The following COL4A2 variants were observed in gnomAD, a reference collection of about 807,000 sequenced individuals.
COL4A2 encodes collagen type IV alpha 2 chain.
A neutral mutation model predicts 200.2 loss-of-function variants in COL4A2; 99 were observed. The observed-to-expected ratio is 0.49, with a 90% CI of 0.42 to 0.58. The LOEUF (loss-of-function observed/expected upper bound fraction) is 0.58, where lower values mean the gene tolerates loss of function less well. COL4A2 is among the 20% of genes least tolerant of loss of function. COL4A2 has a pLI of 0.00. For missense variants in COL4A2, 1,950 were observed against 2,314.1 expected (o/e 0.84, Z 3.23); for synonymous variants, 897 against 900.6 (o/e 1.00, Z 0.07).
chr13:110,506,750 C>A, intron 46 of COL4A2, 144 bp downstream of exon 46: 1 of 903,226 alleles, frequency 1.1e-6, no homozygotes, highest in Non-Finnish European at 1.6e-6. Flanking sequence ...TCCTCGAGTG[C>A]AGAAAGATTA....
At chr13:110,330,700 A>G (rs1425321974) in intron 3 of COL4A2, among the ~76,000 whole-genome samples, 1 of 152,084 alleles carries the variant, frequency 6.6e-6, no homozygotes, top group Non-Finnish European at 1.5e-5. Flanking sequence ...GTGCCTTCCC[A>G]GGCTGTATCT....
At chr13:110,506,345 G>A (rs1002257258) in intron 45 of COL4A2, 70 bp from the exon 46 acceptor site, 29 of 1,462,604 alleles carry the variant, frequency 2.0e-5, no homozygotes, top group South Asian at 9.9e-5. Context: ...GCACCAGGCC[G>A]TCCACTCTCT....
chr13:110,462,003 G>C, intron 22 of COL4A2, 111 bp from the exon 23 acceptor site: 1 of 1,501,388 alleles, frequency 6.7e-7, no homozygotes, highest in East Asian at 2.4e-5. Flanking sequence ...GCTCGGTTTG[G>C]TGACGGGTGA....
chr13:110,437,628 A>G (rs957801352), intron 13 of COL4A2, among the ~76,000 whole-genome samples: 1 of 152,162 alleles, frequency 6.6e-6, no homozygotes, highest in East Asian at 1.9e-4. Flanking sequence ...AGGGCCTCCT[A>G]GTAATGTTTT....
chr13:110,437,839 T>C (rs986457033), intron 13 of COL4A2, among the ~76,000 whole-genome samples, 163 bp from the exon 14 acceptor site: 1 of 152,238 alleles, frequency 6.6e-6, no homozygotes, highest in Non-Finnish European at 1.5e-5. Context: ...TTCTCTTGAA[T>C]TTTGAAGCTG....
chr13:110,405,042 G>A (rs4771675), intron 4 of COL4A2, among the ~76,000 whole-genome samples: 89,239 of 152,086 alleles, frequency 0.59, 26,835 homozygotes, highest in Non-Finnish European at 0.66. Flanking sequence ...TTTAGCCTAG[G>A]AGGTTGAGGC....
At position 110,307,939 on chromosome 13, in the gene COL4A2, C is replaced by A. The variant is rs769448606; in HGVS notation, c.36C>A (p.Ala12=). The part of the protein sequence containing the change: ...GRDQRAVAGP[A]LRRWLLLGTV... ...ACCAGCGCGCGGTGGCCGGCCCTGCCCTACGGCGGTAAGCGACTTTCTGCC... is the reference window on the plus strand; with the variant it reads ...ACCAGCGCGCGGTGGCCGGCCCTGCACTACGGCGGTAAGCGACTTTCTGCC... Residue 12 remains alanine, a synonymous_variant, in exon 2 of 48, where the codon GCC becomes GCA. Transcript: ENST00000360467. This position sits in a 1 kb window ranked among gnomAD's most constrained non-coding sequence, Gnocchi z 5.0. The A allele has an allele frequency of 6.2e-7, 1 of 1,612,978 alleles. No individual in the cohort carries two copies. Among genetic ancestry groups the A allele is most frequent in the Admixed American group, 1.7e-5 (1 of 60,000 alleles).
At position 110,314,810 on chromosome 13, in the gene COL4A2, G is replaced by A. The variant is rs547443428; in HGVS notation, c.99+6687G>A. Among the ~76,000 whole-genome samples, 9 of 152,248 alleles carry A rather than the reference G, an allele frequency of 5.9e-5. No individual in the cohort carries two copies. The East Asian group carries it at 1.4e-3, about 23-fold the overall frequency. ...TGCACAGAATGGGAGCCCCCTTCCCGCCTGCCTAGGAAACCCCATGGGCCA... is the reference window on the plus strand; with the variant it reads ...TGCACAGAATGGGAGCCCCCTTCCCACCTGCCTAGGAAACCCCATGGGCCA... On this transcript the variant is annotated intron_variant, in intron 3 of 47. Coordinates refer to ENST00000360467, the MANE Select transcript of COL4A2 (RefSeq NM_001846.4).
At chr13:110,394,225 C>G (rs4773175) in intron 4 of COL4A2, among the ~76,000 whole-genome samples, 142,620 of 152,320 alleles carry the variant, frequency 0.94, 67,510 homozygotes, top group East Asian at 1. Flanking sequence ...TGCTTACTTT[C>G]TGCCAGACAC....
In COL4A2 at chr13:110,335,570, T is replaced by C. The variant is rs1440262178; in HGVS notation, c.100-21902T>C. Among the ~76,000 whole-genome samples the C allele has an allele frequency of 3.9e-5, 6 of 152,300 alleles. No individual in the cohort carries two copies. The East Asian group carries it at 7.7e-4, about 20-fold the overall frequency. Reference sequence around the variant, plus strand: ...TAAACCCCTTTTTCTTTATAAATTATCCAGTCTCACTTATGTCTTTATCAG... The same window carrying C: ...TAAACCCCTTTTTCTTTATAAATTACCCAGTCTCACTTATGTCTTTATCAG... On this transcript the variant is annotated intron_variant, in intron 3 of 47. Coordinates refer to ENST00000360467, the MANE Select transcript of COL4A2 (RefSeq NM_001846.4).
chr13:110,486,297 G>A (rs538853798), intron 34 of COL4A2, among the ~76,000 whole-genome samples: 11 of 152,288 alleles, frequency 7.2e-5, no homozygotes, highest in South Asian at 6.2e-4. Flanking sequence ...GGCCAGACAC[G>A]CTGTTGTGAT....
intron 22 of COL4A2, among the ~76,000 whole-genome samples, chr13:110,460,246 A>G (rs372246936): frequency 1.1e-4 from 16 of 152,230 alleles, no homozygotes; most frequent in East Asian, 1.9e-4. Flanking sequence ...ATGACTCCCA[A>G]CTGCTTCATG....
At chr13:110,389,658 C>G (rs117710888) in intron 4 of COL4A2, among the ~76,000 whole-genome samples, 3 of 152,204 alleles carry the variant, frequency 2.0e-5, no homozygotes, top group South Asian at 2.1e-4. Context: ...TGCACTCTCA[C>G]GAGCACTAAC....
intron 4 of COL4A2, among the ~76,000 whole-genome samples, chr13:110,390,664 T>C (rs1430714951): frequency 1.3e-5 from 2 of 152,244 alleles, no homozygotes; most frequent in African/African-American, 2.4e-5. Context: ...TCCATTCTCA[T>C]GCCCTTTGAC....
At position 110,462,659 on chromosome 13, in the gene COL4A2, C is replaced by CA. The variant is rs112264778; in HGVS notation, c.1776+282dup. On this transcript the variant is annotated intron_variant, in intron 24 of 47. Transcript: ENST00000360467. ...TAACAGACTAAGAACCCTCCCCCGC[C>CA]AAAAAAAGTAGACTATTCTAAAATG... is the stretch of plus-strand genomic sequence containing the variant. 4.6e-3 allele frequency among the ~76,000 whole-genome samples: 695 copies of CA among 152,190 alleles called. 1 individual carries two copies. Among genetic ancestry groups the CA allele is most frequent in the African/African-American group, 0.015 (608 of 41,522 alleles).
intron 29 of COL4A2, among the ~76,000 whole-genome samples, chr13:110,476,866 CAT>C (rs770464492): frequency 3.3e-5 from 5 of 152,216 alleles, no homozygotes; most frequent in Admixed American, 6.5e-5. Context: ...AGAAATCACA[CAT>C]GTGCACACAC....
Position 110,307,508 on chromosome 13 carries a change from GC to G in COL4A2, c.-61del. The G allele has an allele frequency of 4.0e-6, 1 of 253,086 alleles. No homozygotes were observed. The highest frequency in any genetic ancestry group is 7.5e-6 in the Non-Finnish European group (1 of 133,552). The allele number at this position is 253,086 out of a possible 1,614,324, so 15.7% of individuals were successfully genotyped here. On this transcript the variant is annotated 5_prime_UTR_variant, in exon 1 of 48. An upstream open reading frame in the 5' UTR loses its in-frame stop. Coordinates refer to ENST00000360467, the MANE Select transcript of COL4A2 (RefSeq NM_001846.4). This position sits in a 1 kb window ranked among gnomAD's most constrained non-coding sequence, Gnocchi z 5.0. ...GAAGGGCCAATGCGTTCGGGCAGCA[GC>G]CCCTGAAGCCGAGCCCGAGGTGAGA...
In COL4A2 at chr13:110,485,409, A is replaced by G. The variant is rs11842353; in HGVS notation, c.3026-246A>G. Among the ~76,000 whole-genome samples, 18,880 of 151,416 alleles carry G rather than the reference A, an allele frequency of 0.12. 1,130 individuals carry two copies. The highest frequency in any genetic ancestry group is 0.16 in the East Asian group (810 of 5,108). On this transcript the variant is annotated intron_variant, in intron 33 of 47. Transcript: ENST00000360467. ...ATGGTGGTGGGCGCCTGTAGTCCCA[A>G]CTACTTAGGAGGCTGAGGCAGGAGA...
intron 3 of COL4A2, among the ~76,000 whole-genome samples, chr13:110,309,110 T>A (rs1056521405): frequency 3.3e-5 from 5 of 152,200 alleles, no homozygotes; most frequent in Admixed American, 3.3e-4. Context: ...TGTTCATGAT[T>A]TCATTTGAAT....
Sources: allele counts gnomAD v4.1 joint callset (sites outside exome capture counted in the v4.1 genomes callset), GRCh38; gene constraint gnomAD v4.1.1; non-coding constraint Gnocchi (gnomAD v3.1); transcripts MANE v1.5; gene names NCBI Gene and HGNC (gene_info 2026-07-23, HGNC 2026-07-21).